The following LARP1 variants were observed in gnomAD, a reference collection of about 807,000 sequenced individuals.
LARP1 encodes the protein la-related protein 1.
Under a neutral mutation model 122.7 loss-of-function variants are expected in LARP1, and 36 were observed. That is an observed-to-expected ratio of 0.29 (90% CI 0.22 to 0.39). The LOEUF (loss-of-function observed/expected upper bound fraction) is 0.39, where lower values mean the gene tolerates loss of function less well. Ranked by LOEUF, LARP1 falls within the 10% of genes least tolerant of loss-of-function variation. The probability of loss-of-function intolerance (pLI) is 1.00; values close to 1 mark genes in which losing one functional copy is unlikely to be tolerated. For missense variants in LARP1, 1,040 were observed against 1,403.6 expected (o/e 0.74, Z 4.14); for synonymous variants, 539 against 528.7 (o/e 1.02, Z -0.27).
chr5:154,726,264 C>T (rs954737086), intron 1 of LARP1, among the ~76,000 whole-genome samples: 1 of 152,206 alleles, frequency 6.6e-6, no homozygotes, highest in African/African-American at 2.4e-5. Flanking sequence ...CCTTGTAGTA[C>T]TTAGGTGTAA....
chr5:154,777,900 C>T (rs1041653296), intron 1 of LARP1, among the ~76,000 whole-genome samples: 29 of 152,188 alleles, frequency 1.9e-4, no homozygotes, highest in African/African-American at 6.5e-4. Flanking sequence ...TATAATCTTA[C>T]GGGACCAACT....
chr5:154,798,897 C>T (rs944720819), intron 8 of LARP1, among the ~76,000 whole-genome samples: 1 of 152,200 alleles, frequency 6.6e-6, no homozygotes, highest in African/African-American at 2.4e-5. Context: ...CGGAGTCTCG[C>T]CCTGTCGCCC....
At chr5:154,701,773 C>T (rs911311819) in intron 1 of LARP1, among the ~76,000 whole-genome samples, 4 of 152,036 alleles carry the variant, frequency 2.6e-5, no homozygotes, top group African/African-American at 9.7e-5. Flanking sequence ...AGGCGCCTGC[C>T]ACCATGACCA....
chr5:154,713,109 C>T, exon 1 of LARP1: 1 of 1,613,800 alleles, frequency 6.2e-7, no homozygotes, highest in Non-Finnish European at 8.5e-7. Context: ...ATTCCCTGTC[C>T]TGGCCCCCTT....
chr5:154,731,688 C>G (rs1181963196), intron 1 of LARP1, among the ~76,000 whole-genome samples: 1 of 152,098 alleles, frequency 6.6e-6, no homozygotes, highest in Admixed American at 6.6e-5. Flanking sequence ...AAGTAATAGT[C>G]CCACTGTCAT....
chr5:154,755,034 T>A (rs1753719429), upstream of LARP1, among the ~76,000 whole-genome samples: 1 of 151,650 alleles, frequency 6.6e-6, no homozygotes, highest in African/African-American at 2.4e-5. Flanking sequence ...ATACCTCCCC[T>A]CCTCGCCCAG....
At chr5:154,740,168 G>T (rs1024337232) in intron 1 of LARP1, among the ~76,000 whole-genome samples, 2 of 151,398 alleles carry the variant, frequency 1.3e-5, no homozygotes, top group African/African-American at 4.9e-5. Flanking sequence ...GAGGCGGGTG[G>T]ATCACCTGAG....
At chr5:154,741,120 T>C (rs969463704) in intron 1 of LARP1, among the ~76,000 whole-genome samples, 2 of 152,172 alleles carry the variant, frequency 1.3e-5, no homozygotes, top group African/African-American at 4.8e-5. Flanking sequence ...AGGGTGTTTG[T>C]TGCTTGATTA....
intron 1 of LARP1, among the ~76,000 whole-genome samples, chr5:154,763,209 C>T (rs1169515183): frequency 4.6e-5 from 7 of 151,952 alleles, no homozygotes; most frequent in African/African-American, 1.7e-4. Context: ...TACAGCCATG[C>T]ACCACCACGC....
chr5:154,765,928 C>A (rs536323998), intron 1 of LARP1, among the ~76,000 whole-genome samples: 8 of 152,200 alleles, frequency 5.3e-5, no homozygotes, highest in Non-Finnish European at 1.2e-4. Flanking sequence ...CTGCAAGAAA[C>A]ACATGCACTC....
At chr5:154,698,636 A>G (rs914442056) in intron 1 of LARP1, among the ~76,000 whole-genome samples, 3 of 152,174 alleles carry the variant, frequency 2.0e-5, no homozygotes, top group Admixed American at 6.6e-5. Context: ...GATTGTAGTG[A>G]CAGTTGCACA....
At chr5:154,768,020 G>A (rs989561389) in intron 1 of LARP1, among the ~76,000 whole-genome samples, 14 of 152,160 alleles carry the variant, frequency 9.2e-5, no homozygotes, top group Non-Finnish European at 1.6e-4. Context: ...TTGGGGGTGC[G>A]GTGGGAAATG....
chr5:154,740,657 C>T (rs1329255119), intron 1 of LARP1, among the ~76,000 whole-genome samples: 1 of 152,146 alleles, frequency 6.6e-6, no homozygotes, highest in Middle Eastern at 3.2e-3. Context: ...GGCCTTTCAC[C>T]CCTATGCTAC....
intron 1 of LARP1, among the ~76,000 whole-genome samples, chr5:154,778,570 A>G (rs78435616): frequency 1.3e-5 from 2 of 152,328 alleles, no homozygotes; most frequent in Non-Finnish European, 2.9e-5. Context: ...ATGGAGATCA[A>G]TGGGTATAAG....
chr5:154,717,916 A>T (rs1012280683), intron 1 of LARP1, among the ~76,000 whole-genome samples: 1 of 151,660 alleles, frequency 6.6e-6, no homozygotes, highest in African/African-American at 2.4e-5. Context: ...ATAGCCTTTC[A>T]TTTTCTTTTT....
chr5:154,699,206 T>A (rs1183494489), intron 1 of LARP1, among the ~76,000 whole-genome samples: 1 of 152,226 alleles, frequency 6.6e-6, no homozygotes, highest in Non-Finnish European at 1.5e-5. Flanking sequence ...ATAAAGTAAC[T>A]CCTGAGGTTC....
chr5:154,761,083 A>G (rs1449954212), intron 1 of LARP1, among the ~76,000 whole-genome samples: 1 of 152,260 alleles, frequency 6.6e-6, no homozygotes, highest in Non-Finnish European at 1.5e-5. Flanking sequence ...CCAAAAGGCC[A>G]AGAAGCAATA....
chr5:154,779,302 T>A (rs1217990000), intron 1 of LARP1, among the ~76,000 whole-genome samples: 1 of 152,150 alleles, frequency 6.6e-6, no homozygotes, highest in Non-Finnish European at 1.5e-5. Context: ...ACAAGCTACA[T>A]GAGAGATTGC....
At chr5:154,700,771 A>G (rs973324123) in intron 1 of LARP1, among the ~76,000 whole-genome samples, 2 of 151,736 alleles carry the variant, frequency 1.3e-5, no homozygotes, top group African/African-American at 4.8e-5. Context: ...TTACAGGTAC[A>G]TGCCACAATG....
Sources: gnomAD v4.1 joint callset for allele counts (sites outside exome capture counted in the v4.1 genomes callset) on GRCh38, gnomAD v4.1.1 for gene constraint, MANE v1.5 for transcripts, NCBI Gene and HGNC (gene_info 2026-07-23, HGNC 2026-07-21) for gene names.